NFIA: variants seen among roughly 807,000 people sequenced by gnomAD.
NFIA encodes the protein nuclear factor 1 A-type.
Under a neutral mutation model 62.8 loss-of-function variants are expected in NFIA, and 8 were observed. The observed-to-expected ratio is 0.13, with a 90% CI of 0.07 to 0.23. NFIA has a LOEUF of 0.23. Among genes scored for constraint, NFIA ranks in the 10% least tolerant of loss-of-function variants. The probability of loss-of-function intolerance (pLI) is 1.00; values close to 1 mark genes in which losing one functional copy is unlikely to be tolerated. For synonymous variants in NFIA, 235 were observed against 238.1 expected (o/e 0.99, Z 0.12); for missense variants, 410 against 642.1 (o/e 0.64, Z 3.91).
chr1:61,435,840 T>A (rs898739718), intron 10 of NFIA, among the ~76,000 whole-genome samples: 6 of 152,220 alleles, frequency 3.9e-5, no homozygotes, highest in African/African-American at 1.4e-4. Context: ...TCTTTTTTCC[T>A]ATTCCCTGAT....
chr1:61,109,364 A>G (rs551080542), intron 2 of NFIA, among the ~76,000 whole-genome samples: 2 of 151,978 alleles, frequency 1.3e-5, no homozygotes, highest in South Asian at 4.1e-4. Flanking sequence ...TTGTTCACAA[A>G]AAAGGTTATG....
chr1:61,269,693 C>T (rs1657393087), intron 2 of NFIA, among the ~76,000 whole-genome samples: 1 of 152,134 alleles, frequency 6.6e-6, no homozygotes, highest in African/African-American at 2.4e-5. Flanking sequence ...ATGTAATGCA[C>T]CAAGTCTGCT....
chr1:61,207,205 CAAA>C (rs1348723514), intron 2 of NFIA, among the ~76,000 whole-genome samples: 1 of 152,044 alleles, frequency 6.6e-6, no homozygotes, highest in East Asian at 1.9e-4. Flanking sequence ...AATTTTGAAA[CAAA>C]AATTTAATGA....
chr1:61,344,042 T>G (rs1194807103), intron 4 of NFIA, among the ~76,000 whole-genome samples: 1 of 152,214 alleles, frequency 6.6e-6, no homozygotes, highest in Non-Finnish European at 1.5e-5. Flanking sequence ...ATGAGTTAAT[T>G]TTTACTATAC....
intron 2 of NFIA, among the ~76,000 whole-genome samples, chr1:61,150,640 A>T (rs778472177): frequency 1.7e-4 from 26 of 152,188 alleles, no homozygotes; most frequent in Non-Finnish European, 3.7e-4. Context: ...GTTGTCTTTG[A>T]ATGGGGAGTG....
At chr1:61,161,470 CAA>C (rs1172917472) in intron 2 of NFIA, among the ~76,000 whole-genome samples, 9 of 152,156 alleles carry the variant, frequency 5.9e-5, no homozygotes, top group African/African-American at 1.9e-4. Context: ...TAGAAACAAA[CAA>C]GAGGTGTTAG....
intron 3 of NFIA, among the ~76,000 whole-genome samples, chr1:61,295,098 C>T (rs544376698): frequency 1.3e-5 from 2 of 152,284 alleles, no homozygotes; most frequent in African/African-American, 2.4e-5. Flanking sequence ...ATTTCAGGCT[C>T]CACATCTGGG....
intron 4 of NFIA, among the ~76,000 whole-genome samples, chr1:61,338,951 A>G (rs1214652558): frequency 6.6e-6 from 1 of 152,208 alleles, no homozygotes; most frequent in East Asian, 1.9e-4. Context: ...CTTCTTTCAA[A>G]AGAAACCATT....
intron 2 of NFIA, among the ~76,000 whole-genome samples, chr1:61,152,211 T>G (rs1011766364): frequency 6.6e-6 from 1 of 152,304 alleles, no homozygotes. Context: ...ATCATGAGAT[T>G]AATCGCCTGC....
intron 10 of NFIA, among the ~76,000 whole-genome samples, chr1:61,427,011 A>T (rs761381668): frequency 6.6e-6 from 1 of 152,190 alleles, no homozygotes; most frequent in Non-Finnish European, 1.5e-5. Flanking sequence ...AAAGAGGGAG[A>T]AAAGGGTATA....
intron 4 of NFIA, among the ~76,000 whole-genome samples, chr1:61,342,701 C>T (rs375950919): frequency 5.9e-5 from 9 of 152,078 alleles, no homozygotes; most frequent in African/African-American, 9.7e-5. Context: ...TAAGTGTAGG[C>T]GATAATTATT....
chr1:61,176,338 G>A (rs995262799), intron 2 of NFIA, among the ~76,000 whole-genome samples: 1 of 152,090 alleles, frequency 6.6e-6, no homozygotes, highest in Non-Finnish European at 1.5e-5. Flanking sequence ...GGGCGTAAAC[G>A]TAGTATGCAG....
At chr1:61,212,759 T>C (rs1340302039) in intron 2 of NFIA, among the ~76,000 whole-genome samples, 1 of 152,224 alleles carries the variant, frequency 6.6e-6, no homozygotes, top group Non-Finnish European at 1.5e-5. Context: ...ACCCCCACCC[T>C]GCTCAGTGTC....
At chr1:61,152,332 CCCTGGGCCT>C (rs1648477637) in intron 2 of NFIA, among the ~76,000 whole-genome samples, 2 of 152,138 alleles carry the variant, frequency 1.3e-5, no homozygotes, top group Admixed American at 1.3e-4. Flanking sequence ...AATCCTTGCA[CCCTGGGCCT>C]CCTGCACCCC....
chr1:61,325,479 G>A (rs1660882399), intron 3 of NFIA, among the ~76,000 whole-genome samples: 1 of 152,190 alleles, frequency 6.6e-6, no homozygotes, highest in African/African-American at 2.4e-5. Flanking sequence ...GGGTTTCCAA[G>A]CAATTGGTAA....
intron 3 of NFIA, among the ~76,000 whole-genome samples, chr1:61,283,581 C>CAAAAAAAAAAAA (rs576613886): frequency 1.2e-3 from 43 of 36,678 alleles, no homozygotes; most frequent in African/African-American, 1.3e-3. Flanking sequence ...GACTCTGTCT[C>CAAAAAAAAAAAA]AAAAAAAAAA....
At chr1:61,286,427 CAA>C (rs59486053) in intron 3 of NFIA, among the ~76,000 whole-genome samples, 35 of 108,732 alleles carry the variant, frequency 3.2e-4, no homozygotes, top group Non-Finnish European at 4.2e-4. Flanking sequence ...GACTCTGTCT[CAA>C]AAAAAAAAAA....
chr1:61,174,386 T>C (rs1448231539), intron 2 of NFIA, among the ~76,000 whole-genome samples: 1 of 152,242 alleles, frequency 6.6e-6, no homozygotes, highest in African/African-American at 2.4e-5. Flanking sequence ...TGGTTTCTTT[T>C]GCTTTCCATG....
At chr1:61,108,130 C>G (rs543738550) in intron 2 of NFIA, among the ~76,000 whole-genome samples, 1 of 151,688 alleles carries the variant, frequency 6.6e-6, no homozygotes, top group African/African-American at 2.4e-5. Context: ...TTACCCCTCA[C>G]TATTCCATAT....
Sources: gnomAD v4.1 joint callset for allele counts (sites outside exome capture counted in the v4.1 genomes callset) on GRCh38, gnomAD v4.1.1 for gene constraint, MANE v1.5 for transcripts, NCBI Gene and HGNC (gene_info 2026-07-23, HGNC 2026-07-21) for gene names.